Variants in SLC36A2 observed in about 807,000 individuals in gnomAD.
SLC36A2 encodes the protein proton-coupled amino acid transporter 2.
A neutral mutation model predicts 42.7 loss-of-function variants in SLC36A2; 39 were observed. The ratio of observed to expected loss-of-function variants is 0.91; its 90% CI spans 0.71 to 1.19. The LOEUF is 1.19. Ranked by LOEUF, SLC36A2 falls within the 50% of genes most tolerant of loss-of-function variation. The pLI, the probability that SLC36A2 is intolerant of heterozygous loss-of-function variation, is 0.00. For synonymous variants in SLC36A2, 237 were observed against 240.8 expected, an observed-to-expected ratio of 0.98 and a Z score of 0.15; for missense variants, 590 against 613.7, an observed-to-expected ratio of 0.96 and a Z score of 0.41.
intron 9 of SLC36A2, among the ~76,000 whole-genome samples, chr5:151,321,615 C>T (rs1278426080): frequency 6.6e-6 from 1 of 151,874 alleles, no homozygotes; most frequent in Non-Finnish European, 1.5e-5. Flanking sequence ...TAAAATGGTC[C>T]CTGGAATACA....
At chr5:151,345,761 C>G (rs529866809) in intron 1 of SLC36A2, among the ~76,000 whole-genome samples, 2 of 152,164 alleles carry the variant, frequency 1.3e-5, no homozygotes, top group Non-Finnish European at 2.9e-5. Context: ...AAACATAGTG[C>G]GGTAAGTCAT....
intron 7 of SLC36A2, among the ~76,000 whole-genome samples, chr5:151,330,098 T>C (rs931643218): frequency 1.2e-4 from 19 of 152,236 alleles, no homozygotes; most frequent in African/African-American, 4.1e-4. Context: ...AGTCTAGCAT[T>C]CAGGTTATTG....
At position 151,345,174 on chromosome 5, in the gene SLC36A2, C is replaced by G. The variant is rs571444810; in HGVS notation, c.165-907G>C. Among the ~76,000 whole-genome samples the G allele has an allele frequency of 2.0e-5, 3 of 152,300 alleles. No individual in the cohort carries two copies. In the South Asian group the frequency reaches 6.2e-4, roughly 32 times the overall value. On this transcript the variant is annotated intron_variant, in intron 1 of 9. Transcript: ENST00000335244. Reference sequence around the variant, plus strand: ...ATTTCTACACGTTTTTGTACCTGTACCAGGTTAAGTCAAGGCGAGCATGGG... The same window carrying G: ...ATTTCTACACGTTTTTGTACCTGTAGCAGGTTAAGTCAAGGCGAGCATGGG...
At chr5:151,321,142 GATTT>G (rs141530947) in intron 9 of SLC36A2, among the ~76,000 whole-genome samples, 15 of 149,838 alleles carry the variant, frequency 1.0e-4, no homozygotes, top group African/African-American at 2.0e-4. Context: ...CAGTTCTTAT[GATTT>G]ATTTATTTAT....
chr5:151,323,433 G>C (rs7719610), intron 8 of SLC36A2, among the ~76,000 whole-genome samples: 12,891 of 152,120 alleles, frequency 0.085, 815 homozygotes, highest in African/African-American at 0.17. Flanking sequence ...AAATTCCCCT[G>C]TTCTGAGCAG....
chr5:151,340,309 G>A (rs960969541), intron 4 of SLC36A2, among the ~76,000 whole-genome samples: 4 of 150,866 alleles, frequency 2.7e-5, no homozygotes, highest in East Asian at 2.0e-4. Context: ...AGAAGAAGAC[G>A]AGGAGGAGGA....
In SLC36A2 at chr5:151,337,210, G is replaced by T. The variant is rs866015384; in HGVS notation, c.526-1663C>A. Among the ~76,000 whole-genome samples, 3 of 152,190 alleles carry T rather than the reference G, an allele frequency of 2.0e-5. No homozygotes were observed. In the South Asian group the frequency reaches 6.2e-4, roughly 32 times the overall value. The stretch of plus-strand genomic sequence containing the variant: ...TCTTCCTCCTTGAACCAATTGTATT[G>T]CTTCTCCTGGGCAATCCCATATGTT... On this transcript the variant is annotated intron_variant, in intron 5 of 9. Transcript: ENST00000335244.
intron 1 of SLC36A2, among the ~76,000 whole-genome samples, chr5:151,345,596 GTGTCCACATCGC>G (rs1756469981): frequency 6.6e-6 from 1 of 150,520 alleles, no homozygotes; most frequent in Non-Finnish European, 1.5e-5. Context: ...CTCCCTGTGG[GTGTCCACATCGC>G]TGACCGAGCA....
intron 4 of SLC36A2, among the ~76,000 whole-genome samples, chr5:151,340,243 G>A (rs1188081764): frequency 9.3e-5 from 14 of 150,068 alleles, no homozygotes; most frequent in Non-Finnish European, 2.1e-4. Context: ...GGAGGAGGAG[G>A]AGGGGGAAGA....
rs1424714985 is a variant in SLC36A2 at position 151,334,184 on chromosome 5, A to G, written c.745-862T>C. On this transcript the variant is annotated intron_variant, in intron 6 of 9. Coordinates refer to ENST00000335244, the MANE Select transcript of SLC36A2 (RefSeq NM_181776.3). ...TTAAAGGTAGCTATTTCTTTAGGAA[A>G]TTCAATTTTATAGAATTCATCAGTG... Among the ~76,000 whole-genome samples, 3 of 152,222 alleles carry G rather than the reference A, an allele frequency of 2.0e-5. No homozygotes were observed. In the East Asian group the frequency reaches 5.8e-4, roughly 29 times the overall value.
At chr5:151,328,397 C>T (rs538174250) in intron 7 of SLC36A2, among the ~76,000 whole-genome samples, 10 of 152,314 alleles carry the variant, frequency 6.6e-5, no homozygotes, top group South Asian at 4.1e-4. Context: ...TAGTTTTTAA[C>T]CTCAAGGGAC....
chr5:151,343,626 G>A, intron 2 of SLC36A2, 28 bp from the exon 3 acceptor site: 1 of 1,594,122 alleles, frequency 6.3e-7, no homozygotes. Context: ...AAGGGGCGAG[G>A]GAGGAGAGAA....
intron 7 of SLC36A2, chr5:151,332,389 A>T: frequency 2.2e-6 from 1 of 455,558 alleles, no homozygotes; most frequent in Non-Finnish European, 4.4e-6. Flanking sequence ...AAGCAAATGA[A>T]AAGATGTTCA....
chr5:151,342,306 C>T (rs140559327), intron 4 of SLC36A2, among the ~76,000 whole-genome samples: 94 of 152,198 alleles, frequency 6.2e-4, no homozygotes, highest in Middle Eastern at 3.4e-3. Flanking sequence ...GCTTCAGGGA[C>T]CTTCACACCC....
intron 4 of SLC36A2, among the ~76,000 whole-genome samples, chr5:151,340,158 GGAAGAAGAGGAA>G (rs1756286442): frequency 8.2e-6 from 1 of 121,586 alleles, no homozygotes; most frequent in African/African-American, 2.8e-5. Flanking sequence ...AGAAGGAGGA[GGAAGAAGAGGAA>G]GGAGGAGGAG....
In SLC36A2 at chr5:151,343,471, G is replaced by A. The variant is rs1430973260; in HGVS notation, c.344+39C>T. The stretch of plus-strand genomic sequence containing the variant: ...TTTCTGGGCTATCCCTGAGAACCAT[G>A]CACCAAAGGAATTGACACAAGGAGG... On this transcript the variant is annotated intron_variant, in intron 3 of 9. Coordinates refer to ENST00000335244, the MANE Select transcript of SLC36A2 (RefSeq NM_181776.3). The A allele has an allele frequency of 1.9e-6, 3 of 1,579,920 alleles. No homozygotes were observed. The East Asian group carries it at 6.7e-5, about 35-fold the overall frequency.
rs955486753 is a variant in SLC36A2, at chr5:151,318,424, T to C, written c.1181-1336A>G. 1.2e-4 allele frequency among the ~76,000 whole-genome samples: 17 copies of C among 143,336 alleles called. 1 individual carries two copies. The highest frequency in any genetic ancestry group is 2.0e-4 in the Non-Finnish European group (13 of 66,326). 94.0% of individuals were successfully genotyped at this position (143,336 alleles called of 152,430 possible). On this transcript the variant is annotated intron_variant, in intron 9 of 9. Transcript: ENST00000335244. ...TTTAATAAATAAAAAATAATATAAA[T>C]AATATAAATAAATAATACAAATTTA...
chr5:151,334,737 G>A (rs995173518), intron 6 of SLC36A2, among the ~76,000 whole-genome samples: 1 of 151,950 alleles, frequency 6.6e-6, no homozygotes, highest in African/African-American at 2.4e-5. Flanking sequence ...AATTAGAAAG[G>A]ATAGCAAATT....
chr5:151,328,872 TC>T (rs1474707724), intron 7 of SLC36A2, among the ~76,000 whole-genome samples: 1 of 152,174 alleles, frequency 6.6e-6, no homozygotes, highest in East Asian at 1.9e-4. Context: ...ACGAAACTGG[TC>T]CAGGAAAGAA....
Sources: allele counts gnomAD v4.1 joint callset (sites outside exome capture counted in the v4.1 genomes callset), GRCh38; gene constraint gnomAD v4.1.1; transcripts MANE v1.5; gene names NCBI Gene and HGNC (gene_info 2026-07-23, HGNC 2026-07-21).